Variants in AKAP13 observed in about 807,000 individuals in gnomAD.
The protein encoded by AKAP13 is A-kinase anchoring protein 13, also known as A-kinase anchor protein 13.
In AKAP13, 80 loss-of-function variants were observed where a neutral mutation model predicts 264.5. That is an observed-to-expected ratio of 0.30 (90% CI 0.25 to 0.36). The LOEUF (loss-of-function observed/expected upper bound fraction) is 0.36, where lower values mean the gene tolerates loss of function less well. Among genes scored for constraint, AKAP13 ranks in the 10% least tolerant of loss-of-function variants. AKAP13 has a pLI of 1.00. For missense variants in AKAP13, 3,712 were observed against 3,435.2 expected (o/e 1.08, Z -2.01); for synonymous variants, 1,380 against 1,250.2 (o/e 1.10, Z -2.19).
intron 2 of AKAP13, among the ~76,000 whole-genome samples, chr15:85,499,405 C>A (rs1485097512): frequency 2.0e-5 from 3 of 152,158 alleles, no homozygotes; most frequent in Non-Finnish European, 4.4e-5. Context: ...GATTATGATG[C>A]AGATGGAATT....
intron 5 of AKAP13, among the ~76,000 whole-genome samples, chr15:85,572,648 C>T (rs950294987): frequency 1.3e-5 from 2 of 152,018 alleles, no homozygotes; most frequent in African/African-American, 2.4e-5. Flanking sequence ...ATACGTTTTC[C>T]ACTGTAGCAT....
intron 17 of AKAP13, among the ~76,000 whole-genome samples, chr15:85,703,807 C>T (rs990546619): frequency 1.3e-5 from 2 of 149,436 alleles, no homozygotes; most frequent in African/African-American, 4.9e-5. Flanking sequence ...CGTACCACTG[C>T]ACTCCAGCTT....
chr15:85,738,182 GAGGTCA>G (rs901756710), intron 33 of AKAP13, among the ~76,000 whole-genome samples: 3 of 152,064 alleles, frequency 2.0e-5, no homozygotes, highest in African/African-American at 7.2e-5. Flanking sequence ...TGGATCACTT[GAGGTCA>G]GGAGTTCAAG....
At chr15:85,679,612 C>G (rs1038227861) in intron 14 of AKAP13, among the ~76,000 whole-genome samples, 1 of 152,184 alleles carries the variant, frequency 6.6e-6, no homozygotes, top group African/African-American at 2.4e-5. Context: ...ATGTGCAGCA[C>G]TGTATACAAC....
chr15:85,684,984 G>A, intron 16 of AKAP13, 111 bp downstream of exon 16: 16 of 1,296,372 alleles, frequency 1.2e-5, no homozygotes, highest in Admixed American at 5.2e-5. Flanking sequence ...AATAAATTCA[G>A]GATTACTCTC....
chr15:85,580,231 T>C lies in AKAP13; in HGVS notation c.2163T>C (p.Pro721=), dbSNP rs745192. Residue 721 remains proline (P), a synonymous_variant, in exon 7 of 37, where the codon CCT becomes CCC. Transcript: ENST00000394518. Reference sequence around the variant, plus strand: ...AGGCTCATACAGTCACCTCTGACCCTGTAAGGGATACCCAGGAACGTGCGG... The same window carrying C: ...AGGCTCATACAGTCACCTCTGACCCCGTAAGGGATACCCAGGAACGTGCGG... The part of the protein sequence containing the change: ...DPQAHTVTSD[P]VRDTQERADF... 0.084 allele frequency: 134,884 copies of C among 1,614,116 alleles called. 10,564 individuals carry two copies. Among genetic ancestry groups the C allele is most frequent in the East Asian group, 0.4 (18,010 of 44,874 alleles).
Position 85,708,093 on chromosome 15 carries a change from C to T in AKAP13, c.5532+7C>T, listed in dbSNP as rs1245372700. 1 of 1,613,386 alleles carries T rather than the reference C, an allele frequency of 6.2e-7. No individual in the cohort carries two copies. The highest frequency in any genetic ancestry group is 8.5e-7 in the Non-Finnish European group (1 of 1,179,564). ...TGCAAAGGTCAAAATGAAGGTAAGA[C>T]TTTCTGGCTAAAACAAGGCTTAAAA... is the stretch of plus-strand genomic sequence containing the variant. On this transcript the variant is annotated splice_region_variant and intron_variant, in intron 18 of 36. Transcript: ENST00000394518. This position sits in a 1 kb window ranked among gnomAD's most constrained non-coding sequence, Gnocchi z 4.3.
intron 17 of AKAP13, among the ~76,000 whole-genome samples, chr15:85,698,816 C>T (rs1327472101): frequency 4.7e-5 from 7 of 147,576 alleles, no homozygotes; most frequent in Admixed American, 6.7e-5. Flanking sequence ...TGGTGGTGCA[C>T]GCCTGTAATC....
Position 85,443,553 on chromosome 15 carries a change from G to C in AKAP13, c.-11-42157G>C, listed in dbSNP as rs2073787414. On this transcript the variant is annotated intron_variant, in intron 1 of 36. Coordinates refer to ENST00000394518, the MANE Select transcript of AKAP13 (RefSeq NM_007200.5). ...AGTAGAACCATGAAATAAATTTCTG[G>C]CGATATGGGCACAGAGTATTTGCAG... Among the ~76,000 whole-genome samples, 3 of 152,072 alleles carry C rather than the reference G, an allele frequency of 2.0e-5. 1 individual carries two copies. The highest frequency in any genetic ancestry group is 4.2e-4 in the South Asian group (2 of 4,814).
chr15:85,381,100 C>T (rs1453635651), intron 1 of AKAP13, among the ~76,000 whole-genome samples: 1 of 152,042 alleles, frequency 6.6e-6, no homozygotes, highest in African/African-American at 2.4e-5. Flanking sequence ...GTGGGGGGCG[C>T]GCCCGGCCGC....
chr15:85,474,501 AG>A (rs914226841), intron 1 of AKAP13, among the ~76,000 whole-genome samples: 2 of 152,246 alleles, frequency 1.3e-5, no homozygotes, highest in African/African-American at 4.8e-5. Context: ...TGACTGTCTA[AG>A]GGATTACTCA....
intron 5 of AKAP13, among the ~76,000 whole-genome samples, chr15:85,557,150 A>T (rs758811949): frequency 4.6e-5 from 7 of 152,242 alleles, no homozygotes; most frequent in Non-Finnish European, 2.9e-5. Flanking sequence ...CACATAAATT[A>T]CTACACTAAA....
intron 17 of AKAP13, among the ~76,000 whole-genome samples, chr15:85,701,805 A>T (rs562223114): frequency 1.1e-5 from 1 of 92,788 alleles, no homozygotes; most frequent in East Asian, 3.2e-4. Context: ...GTTGGGCTTG[A>T]CTGTTACCCT....
chr15:85,614,671 G>A (rs933444103), intron 8 of AKAP13, among the ~76,000 whole-genome samples: 13 of 152,096 alleles, frequency 8.5e-5, no homozygotes, highest in African/African-American at 3.1e-4. Flanking sequence ...TTTCTTGGGG[G>A]ATTTATCAAG....
intron 1 of AKAP13, among the ~76,000 whole-genome samples, chr15:85,470,261 C>T (rs2074913131): frequency 6.6e-6 from 1 of 152,166 alleles, no homozygotes; most frequent in South Asian, 2.1e-4. Flanking sequence ...TGCACTCCAG[C>T]CTGGGTGACA....
At chr15:85,601,761 T>G (rs1049779511) in intron 8 of AKAP13, among the ~76,000 whole-genome samples, 1 of 152,052 alleles carries the variant, frequency 6.6e-6, no homozygotes. Flanking sequence ...CTTTTGTTTA[T>G]ATAGGTTATA....
chr15:85,444,484 C>G (rs1194178108), intron 1 of AKAP13, among the ~76,000 whole-genome samples: 1 of 152,174 alleles, frequency 6.6e-6, no homozygotes, highest in African/African-American at 2.4e-5. Flanking sequence ...GAACCTTTGA[C>G]TTGGTTGCAG....
At chr15:85,671,588 G>A (rs1295534466) in intron 14 of AKAP13, among the ~76,000 whole-genome samples, 1 of 151,580 alleles carries the variant, frequency 6.6e-6, no homozygotes, top group African/African-American at 2.4e-5. Context: ...TCAAAGATAT[G>A]TCCCCCAGAA....
At chr15:85,410,240 G>A (rs1293755518) in intron 1 of AKAP13, among the ~76,000 whole-genome samples, 1 of 151,442 alleles carries the variant, frequency 6.6e-6, no homozygotes, top group African/African-American at 2.5e-5. Flanking sequence ...ATCACCAGCT[G>A]TCCAGTTAGA....
Sources: gnomAD v4.1 joint callset for allele counts (sites outside exome capture counted in the v4.1 genomes callset) on GRCh38, gnomAD v4.1.1 for gene constraint, Gnocchi (gnomAD v3.1) non-coding constraint, MANE v1.5 for transcripts, NCBI Gene and HGNC (gene_info 2026-07-23, HGNC 2026-07-21) for gene names.